NRXN1: variants seen among roughly 807,000 people sequenced by gnomAD.
NRXN1 encodes neurexin-1.
Under a neutral mutation model 150.9 loss-of-function variants are expected in NRXN1, and 39 were observed. The observed-to-expected ratio is 0.26, with a 90% confidence interval of 0.20 to 0.34. NRXN1 has a LOEUF of 0.34. Ranked by LOEUF, NRXN1 falls within the 10% of genes least tolerant of loss-of-function variation. The pLI is 1.00. For missense variants in NRXN1, 1,815 were observed against 1,949.9 expected (o/e 0.93, Z 1.30); for synonymous variants, 924 against 757.0 (o/e 1.22, Z -3.62).
intron 5 of NRXN1, among the ~76,000 whole-genome samples, chr2:50,803,512 T>A (rs1406099198): frequency 6.6e-6 from 1 of 152,216 alleles, no homozygotes; most frequent in Non-Finnish European, 1.5e-5. Flanking sequence ...TTTCTTTGCA[T>A]TTTCAATGTA....
intron 17 of NRXN1, among the ~76,000 whole-genome samples, chr2:50,358,433 T>C (rs773528002): frequency 1.3e-5 from 2 of 152,146 alleles, no homozygotes; most frequent in Non-Finnish European, 2.9e-5. Flanking sequence ...GAGTAGGTGG[T>C]TTTCCCCTCA....
chr2:49,986,369 T>G (rs1219684345), intron 21 of NRXN1, among the ~76,000 whole-genome samples: 1 of 152,136 alleles, frequency 6.6e-6, no homozygotes, highest in Non-Finnish European at 1.5e-5. Context: ...AAAATAACAA[T>G]AAACCCATTA....
At chr2:50,160,528 C>T (rs556866459) in intron 18 of NRXN1, among the ~76,000 whole-genome samples, 19 of 150,352 alleles carry the variant, frequency 1.3e-4, no homozygotes, top group African/African-American at 3.9e-4. Flanking sequence ...GCAACAAGAG[C>T]GAAATTTCGT....
At chr2:50,823,728 C>T (rs1670055708) in intron 5 of NRXN1, among the ~76,000 whole-genome samples, 1 of 152,006 alleles carries the variant, frequency 6.6e-6, no homozygotes, top group South Asian at 2.1e-4. Context: ...GTGCTGGATC[C>T]ACAGTAAATG....
At chr2:50,508,981 T>C (rs2092350401) in intron 12 of NRXN1, among the ~76,000 whole-genome samples, 1 of 152,200 alleles carries the variant, frequency 6.6e-6, no homozygotes, top group Admixed American at 6.5e-5. Context: ...TGCTAGATCA[T>C]GATTTCCTAC....
intron 5 of NRXN1, among the ~76,000 whole-genome samples, chr2:50,805,796 G>GT (rs1323837797): frequency 6.6e-6 from 1 of 152,162 alleles, no homozygotes; most frequent in Non-Finnish European, 1.5e-5. Context: ...TTTCCCAAGA[G>GT]TAGGGCTTTG....
intron 5 of NRXN1, among the ~76,000 whole-genome samples, chr2:50,727,478 G>A (rs1463359917): frequency 2.0e-5 from 3 of 151,680 alleles, no homozygotes; most frequent in Non-Finnish European, 4.4e-5. Flanking sequence ...CCTTCCGTAT[G>A]GCTAAAAACA....
At chr2:50,787,314 CT>C (rs1216385035) in intron 5 of NRXN1, among the ~76,000 whole-genome samples, 4 of 151,990 alleles carry the variant, frequency 2.6e-5, no homozygotes, top group African/African-American at 9.7e-5. Context: ...AATCCCAACA[CT>C]TTGGGAGGCC....
At chr2:50,505,956 A>T (rs7583273) in intron 13 of NRXN1, among the ~76,000 whole-genome samples, 4 of 151,954 alleles carry the variant, frequency 2.6e-5, no homozygotes, top group African/African-American at 4.8e-5. Context: ...AGCTCACCTC[A>T]GGAATCTAAA....
At chr2:50,015,516 CAAAAAAAAAAAAAA>C (rs34466037) in intron 21 of NRXN1, among the ~76,000 whole-genome samples, 13 of 31,324 alleles carry the variant, frequency 4.2e-4, no homozygotes, top group Admixed American at 2.8e-3. Context: ...GGATTTCTGC[CAAAAAAAAAAAAAA>C]AAAAAAAAAA....
chr2:50,265,105 T>C (rs2152917229), intron 17 of NRXN1, among the ~76,000 whole-genome samples: 1 of 152,134 alleles, frequency 6.6e-6, no homozygotes. Flanking sequence ...GGGAGTTTAA[T>C]AGTATCATAT....
At chr2:50,354,566 T>C (rs1355049200) in intron 17 of NRXN1, among the ~76,000 whole-genome samples, 6 of 141,342 alleles carry the variant, frequency 4.2e-5, no homozygotes, top group Non-Finnish European at 9.2e-5. Context: ...TATATATATA[T>C]ATATATATAT....
chr2:50,646,801 C>G (rs1026678452), intron 5 of NRXN1, among the ~76,000 whole-genome samples: 2 of 144,578 alleles, frequency 1.4e-5, no homozygotes, highest in African/African-American at 5.1e-5. Context: ...TCTGTTTGGA[C>G]TATCCTTCCT....
intron 5 of NRXN1, among the ~76,000 whole-genome samples, chr2:50,662,507 C>A (rs1687440161): frequency 6.6e-6 from 1 of 152,050 alleles, no homozygotes; most frequent in East Asian, 1.9e-4. Context: ...ACCTGTAGGC[C>A]GCAGGAGGCC....
intron 17 of NRXN1, among the ~76,000 whole-genome samples, chr2:50,373,577 A>G (rs187915837): frequency 0.012 from 1,784 of 149,506 alleles, 34 homozygotes; most frequent in African/African-American, 0.042. Flanking sequence ...GAGAGCCCTG[A>G]ATTTGGAAAG....
At chr2:50,575,170 G>A (rs1302857674) in intron 8 of NRXN1, among the ~76,000 whole-genome samples, 1 of 152,214 alleles carries the variant, frequency 6.6e-6, no homozygotes, top group Non-Finnish European at 1.5e-5. Flanking sequence ...ATTCTGTTAT[G>A]CTTGATCTTT....
In NRXN1 at chr2:50,371,684, G is replaced by A. The variant is rs796269127; in HGVS notation, c.3364+93758C>T. On this transcript the variant is annotated intron_variant, in intron 17 of 22. Coordinates refer to ENST00000401669, the MANE Select transcript of NRXN1 (RefSeq NM_001330078.2). ...GCACAGCTGTGCATTTTTTTCATCT[G>A]TGCATTTTTATGGAAAGTGGATCCA... Among the ~76,000 whole-genome samples the A allele has an allele frequency of 2.6e-5, 4 of 152,004 alleles. 1 individual carries two copies. The highest frequency in any genetic ancestry group is 9.6e-5 in the African/African-American group (4 of 41,516).
chr2:50,961,042 C>A (rs904044436), intron 2 of NRXN1, among the ~76,000 whole-genome samples: 2 of 151,812 alleles, frequency 1.3e-5, no homozygotes, highest in Non-Finnish European at 2.9e-5. Context: ...AACAAATGAA[C>A]ACGTGACTTT....
intron 9 of NRXN1, among the ~76,000 whole-genome samples, chr2:50,552,047 A>T (rs1020595081): frequency 6.6e-6 from 1 of 152,186 alleles, no homozygotes; most frequent in African/African-American, 2.4e-5. Flanking sequence ...AATACCTTTC[A>T]TCAGAAAGGG....
Sources: gnomAD v4.1 joint callset for allele counts (sites outside exome capture counted in the v4.1 genomes callset) on GRCh38, gnomAD v4.1.1 for gene constraint, MANE v1.5 for transcripts, NCBI Gene and HGNC (gene_info 2026-07-23, HGNC 2026-07-21) for gene names.